Variants in MGAT5B observed in about 807,000 individuals in gnomAD.
MGAT5B encodes alpha-1,6-mannosylglycoprotein 6-beta-N-acetylglucosaminyltransferase B.
In MGAT5B, 54 loss-of-function variants were observed where a neutral mutation model predicts 95.1. The ratio of observed to expected loss-of-function variants is 0.57; its 90% CI spans 0.46 to 0.71. MGAT5B has a LOEUF of 0.71. MGAT5B is among the 30% of genes least tolerant of loss of function. The pLI is 0.00. For missense variants in MGAT5B, 935 were observed against 1,088.6 expected, an observed-to-expected ratio of 0.86 and a Z score of 1.99; for synonymous variants, 464 against 451.0, an observed-to-expected ratio of 1.03 and a Z score of -0.36.
chr17:76,902,348 G>T (rs1441157308), intron 3 of MGAT5B, among the ~76,000 whole-genome samples: 1 of 152,226 alleles, frequency 6.6e-6, no homozygotes, highest in Non-Finnish European at 1.5e-5. Flanking sequence ...CCGTATGTCT[G>T]TAATGTGTGT....
At chr17:76,924,743 C>T (rs953499938) in intron 8 of MGAT5B, among the ~76,000 whole-genome samples, 2 of 152,176 alleles carry the variant, frequency 1.3e-5, no homozygotes, top group Admixed American at 6.5e-5. Flanking sequence ...GCTGGGTGCA[C>T]GGGAGCCCAC....
At chr17:76,877,881 G>A (rs1240105303) in intron 2 of MGAT5B, among the ~76,000 whole-genome samples, 1 of 152,052 alleles carries the variant, frequency 6.6e-6, no homozygotes, top group Non-Finnish European at 1.5e-5. Flanking sequence ...AGAGCGTCTG[G>A]GGAGGAGACG....
chr17:76,926,749 A>T lies in MGAT5B; in HGVS notation c.1291+19A>T. 6.2e-7 allele frequency: 1 copy of T among 1,611,468 alleles called. No individual in the cohort carries two copies. Among genetic ancestry groups the T allele is most frequent in the African/African-American group, 1.3e-5 (1 of 75,030 alleles). ...ATGTTTCGTGAGTGCCCCACAGGGC[A>T]GGGGTGGGGTCGGAGGTCCTCCTCA... On this transcript the variant is annotated intron_variant, in intron 10 of 17. Transcript: ENST00000569840.
chr17:76,878,302 G>T (rs1227949371), intron 2 of MGAT5B, among the ~76,000 whole-genome samples: 2 of 152,186 alleles, frequency 1.3e-5, no homozygotes, highest in Non-Finnish European at 2.9e-5. Context: ...GGTTTCTGGA[G>T]TTCCATGCCA....
chr17:76,876,953 C>T (rs1967215737), intron 2 of MGAT5B, among the ~76,000 whole-genome samples: 1 of 152,206 alleles, frequency 6.6e-6, no homozygotes, highest in Non-Finnish European at 1.5e-5. Flanking sequence ...TCCAGCCCTT[C>T]TCGCCTAGGC....
At chr17:76,937,452 T>A (rs1969712662) in intron 12 of MGAT5B, among the ~76,000 whole-genome samples, 1 of 150,802 alleles carries the variant, frequency 6.6e-6, no homozygotes, top group Non-Finnish European at 1.5e-5. Context: ...GAGGGATGGA[T>A]GGGTGAATGG....
chr17:76,890,751 C>T (rs612039), intron 3 of MGAT5B, among the ~76,000 whole-genome samples: 3 of 152,168 alleles, frequency 2.0e-5, no homozygotes, highest in African/African-American at 7.2e-5. Flanking sequence ...AATTGGGCCA[C>T]CTCAGCCTCC....
intron 9 of MGAT5B, among the ~76,000 whole-genome samples, chr17:76,926,046 T>G (rs189316830): frequency 1.3e-5 from 2 of 152,262 alleles, no homozygotes; most frequent in East Asian, 3.9e-4. Flanking sequence ...TCTGCCCAGC[T>G]GCAGGGTCCA....
intron 3 of MGAT5B, among the ~76,000 whole-genome samples, chr17:76,891,676 G>A (rs1453094884): frequency 4.6e-5 from 7 of 152,248 alleles, no homozygotes; most frequent in African/African-American, 1.7e-4. Flanking sequence ...CACTGCGCCC[G>A]GCCCTGGGGG....
intron 2 of MGAT5B, among the ~76,000 whole-genome samples, chr17:76,876,835 C>A (rs1967211785): frequency 6.6e-6 from 1 of 152,194 alleles, no homozygotes; most frequent in Non-Finnish European, 1.5e-5. Flanking sequence ...TTCCCTCTTG[C>A]TGCATTTGGG....
chr17:76,870,717 G>A lies in MGAT5B; in HGVS notation c.68+1620G>A, dbSNP rs1422564839. On this transcript the variant is annotated intron_variant, in intron 1 of 17. Coordinates refer to ENST00000569840, the MANE Select transcript of MGAT5B (RefSeq NM_001199172.2). The surrounding 1 kb of genome is among the most constrained non-coding windows in gnomAD (Gnocchi z 5.0). ...GTCTCCCTGGGCTGCCCGGAGACCC[G>A]CAGCCATCAGTGAGTCCCTTCAGTT... Among the ~76,000 whole-genome samples the A allele has an allele frequency of 6.6e-6, 1 of 152,030 alleles. No individual in the cohort carries two copies. The highest frequency in any genetic ancestry group is 2.1e-4 in the South Asian group (1 of 4,832).
intron 8 of MGAT5B, among the ~76,000 whole-genome samples, chr17:76,908,481 G>A (rs982321885): frequency 2.6e-5 from 4 of 151,782 alleles, no homozygotes; most frequent in East Asian, 1.9e-4. Flanking sequence ...TGCCTAGGCT[G>A]GTCTTGAACT....
In MGAT5B at chr17:76,916,831, G is replaced by A. The variant is rs1169266066; in HGVS notation, c.1026-8135G>A. On this transcript the variant is annotated intron_variant, in intron 8 of 17. Coordinates refer to ENST00000569840, the MANE Select transcript of MGAT5B (RefSeq NM_001199172.2). This position sits in a 1 kb window ranked among gnomAD's most constrained non-coding sequence, Gnocchi z 5.3. ...AGCGTCTTGTCAGATGGTGGCTGGA[G>A]AGGAGGAAGGTGGCAGTGGACGAGC... Among the ~76,000 whole-genome samples the A allele has an allele frequency of 6.6e-6, 1 of 152,178 alleles. No individual in the cohort carries two copies. Among genetic ancestry groups the A allele is most frequent in the Non-Finnish European group, 1.5e-5 (1 of 68,024 alleles).
Position 76,889,131 on chromosome 17 carries a change from C to G in MGAT5B, c.329+6833C>G, listed in dbSNP as rs970420954. Among the ~76,000 whole-genome samples, 1 of 152,168 alleles carries G rather than the reference C, an allele frequency of 6.6e-6. No homozygotes were observed. Among genetic ancestry groups the G allele is most frequent in the African/African-American group, 2.4e-5 (1 of 41,428 alleles). ...TATACTCAGGCCCAGGTCTCCCATG[C>G]CAGGTACACCGAGCTGTTTTGCAGA... On this transcript the variant is annotated intron_variant, in intron 3 of 17. Coordinates refer to ENST00000569840, the MANE Select transcript of MGAT5B (RefSeq NM_001199172.2). This position sits in a 1 kb window ranked among gnomAD's most constrained non-coding sequence, Gnocchi z 4.4.
At chr17:76,932,802 G>T in intron 11 of MGAT5B, 27 bp downstream of exon 11, 1 of 1,611,408 alleles carries the variant, frequency 6.2e-7, no homozygotes, top group Non-Finnish European at 8.5e-7. Context: ...CGCGCGGGAA[G>T]CACCAGCCTG....
intron 3 of MGAT5B, among the ~76,000 whole-genome samples, chr17:76,890,893 T>G (rs2145156425): frequency 6.6e-6 from 1 of 151,156 alleles, no homozygotes; most frequent in African/African-American, 2.4e-5. Context: ...CTCTTTTGGG[T>G]TATAGATGAT....
Position 76,904,248 on chromosome 17 carries a change from G to A in MGAT5B, c.520-4G>A, listed in dbSNP as rs1192260366. 6.2e-7 allele frequency: 1 copy of A among 1,604,272 alleles called. No individual in the cohort carries two copies. Among genetic ancestry groups the A allele is most frequent in the Middle Eastern group, 1.7e-4 (1 of 5,824 alleles). On this transcript the variant is annotated splice_polypyrimidine_tract_variant and splice_region_variant and intron_variant, in intron 5 of 17. Coordinates refer to ENST00000569840, the MANE Select transcript of MGAT5B (RefSeq NM_001199172.2). ...CCCCCTGCCCAGCCTGGCCCTCTCT[G>A]CAGTGGATGCGTGCCCGCTGGACCT...
intron 3 of MGAT5B, among the ~76,000 whole-genome samples, chr17:76,885,448 C>T (rs1428889584): frequency 6.6e-6 from 1 of 152,192 alleles, no homozygotes; most frequent in Non-Finnish European, 1.5e-5. Context: ...GCTGAAGGTC[C>T]AGTGGACCCC....
At chr17:76,878,452 C>T (rs1180849758) in intron 2 of MGAT5B, among the ~76,000 whole-genome samples, 2 of 152,076 alleles carry the variant, frequency 1.3e-5, no homozygotes, top group African/African-American at 4.8e-5. Flanking sequence ...CTGCAATGAC[C>T]CATGCCTCTG....
Sources: allele counts gnomAD v4.1 joint callset (sites outside exome capture counted in the v4.1 genomes callset), GRCh38; gene constraint gnomAD v4.1.1; non-coding constraint Gnocchi (gnomAD v3.1); transcripts MANE v1.5; gene names NCBI Gene and HGNC (gene_info 2026-07-23, HGNC 2026-07-21).